Variants in CSF1 observed in about 807,000 individuals in gnomAD.
CSF1 encodes the protein macrophage colony-stimulating factor 1.
CSF1 carries 9 observed loss-of-function variants against 48.9 expected under a neutral mutation model. The ratio of observed to expected loss-of-function variants is 0.18; its 90% CI spans 0.11 to 0.32. CSF1 has a LOEUF of 0.32. Ranked by LOEUF, CSF1 falls within the 10% of genes least tolerant of loss-of-function variation. The probability of loss-of-function intolerance (pLI) is 1.00; values close to 1 mark genes in which losing one functional copy is unlikely to be tolerated. For missense variants in CSF1, 672 were observed against 697.9 expected (o/e 0.96, Z 0.42); for synonymous variants, 305 against 284.1 (o/e 1.07, Z -0.74).
At position 109,923,443 on chromosome 1, in the gene CSF1, C is replaced by T. The variant is rs1046476566; in HGVS notation, c.822C>T (p.Ile274=). The part of the protein sequence containing the change: ...PETPVVKDST[I]GGSPQPRPSV... ...CCCCAGTTGTCAAGGACAGCACCAT[C>T]GGTGGCTCACCACAGCCTCGCCCCT... Residue 274 remains isoleucine, a synonymous_variant, in exon 6 of 9, where the codon ATC becomes ATT. Transcript: ENST00000329608. The T allele has an allele frequency of 1.1e-5, 18 of 1,614,026 alleles. No homozygotes were observed. Among genetic ancestry groups the T allele is most frequent in the East Asian group, 2.2e-5 (1 of 44,884 alleles).
chr1:109,914,496 C>A, intron 2 of CSF1, 115 bp downstream of exon 2: 1 of 1,270,316 alleles, frequency 7.9e-7, no homozygotes, highest in Non-Finnish European at 1.0e-6. Flanking sequence ...CAGTGCGGGA[C>A]ATTGCTTGTG....
chr1:109,925,306 C>A, intron 8 of CSF1, 104 bp downstream of exon 8: 1 of 894,826 alleles, frequency 1.1e-6, no homozygotes, highest in Non-Finnish European at 1.8e-6. Flanking sequence ...CCCACACTGA[C>A]TCCCATGCCT....
chr1:109,924,867 C>G, intron 7 of CSF1, 39 bp downstream of exon 7: 1 of 1,585,916 alleles, frequency 6.3e-7, no homozygotes, highest in Non-Finnish European at 8.6e-7. Flanking sequence ...GCACTGGGGG[C>G]CTGGCTTGGG....
In CSF1 at chr1:109,923,660, T is replaced by C; in HGVS notation, c.1039T>C (p.Ser347Pro). 6.2e-7 allele frequency: 1 copy of C among 1,613,826 alleles called. No homozygotes were observed. Among genetic ancestry groups the C allele is most frequent in the Non-Finnish European group, 8.5e-7 (1 of 1,179,834 alleles). The change falls in exon 6 of 9, where the codon TCT (serine) becomes CCT (proline). Residue 347 changes from serine to proline, a missense_variant. Ser to Pro is a moderately conservative substitution (Grantham distance 74). Around this residue, in one of 3 missense-constraint regions of CSF1, gnomAD observed 591 missense variants for 593.6 expected, o/e 1.00. Coordinates refer to ENST00000329608, the MANE Select transcript of CSF1 (RefSeq NM_000757.6). ...PARPSNFLSA[S>P]SPLPASAKGQ... Reference sequence around the variant, plus strand: ...CAGACCCAGCAACTTCCTCTCAGCATCTTCTCCACTCCCTGCATCAGCAAA... The same window carrying C: ...CAGACCCAGCAACTTCCTCTCAGCACCTTCTCCACTCCCTGCATCAGCAAA...
chr1:109,926,854 T>G (rs139025935), intron 8 of CSF1: 24 of 152,364 alleles, frequency 1.6e-4, no homozygotes, highest in South Asian at 4.1e-4. Flanking sequence ...CCACTTTTTT[T>G]TGTGTTTCTT....
chr1:109,924,263 G>T (rs149758130), intron 6 of CSF1, 73 bp downstream of exon 6: 3 of 1,386,326 alleles, frequency 2.2e-6, no homozygotes, highest in South Asian at 1.4e-5. Flanking sequence ...GGTGCAGGTG[G>T]GGGGACAGCT....
chr1:109,920,677 C>T (rs1225213826), intron 4 of CSF1, among the ~76,000 whole-genome samples: 3 of 152,152 alleles, frequency 2.0e-5, no homozygotes, highest in Non-Finnish European at 4.4e-5. Context: ...GCGATGCCTT[C>T]AAGGACTTCA....
In CSF1 at chr1:109,923,953, G is replaced by A; in HGVS notation, c.1332G>A (p.Arg444=). Residue 444 remains arginine (R), a synonymous_variant, in exon 6 of 9, where the codon AGG becomes AGA. Coordinates refer to ENST00000329608, the MANE Select transcript of CSF1 (RefSeq NM_000757.6). The stretch of plus-strand genomic sequence containing the variant: ...CCCTTGGGGAGCTGGAGGGCAGGAG[G>A]AGCACCAGGGATCGGAGGAGCCCCG... ...VLPLGELEGR[R]STRDRRSPAE... 1 of 1,614,178 alleles carries A rather than the reference G, an allele frequency of 6.2e-7. No homozygotes were observed. Among genetic ancestry groups the A allele is most frequent in the Non-Finnish European group, 8.5e-7 (1 of 1,180,006 alleles).
At position 109,914,299 on chromosome 1, in the gene CSF1, C is replaced by A. The variant is rs202209718; in HGVS notation, c.80C>A (p.Ala27Glu). ...GSLLLLVCLL[A>E]SRSITEEVSE... ...CTGCTGTTGTTGGTCTGTCTCCTGG[C>A]GAGCAGGAGTATCACCGAGGAGGTG... Residue 27 changes from alanine to glutamate, a missense_variant, in exon 2 of 9, where the codon GCG becomes GAG. Around this residue, in one of 3 missense-constraint regions of CSF1, gnomAD observed 53 missense variants for 45.5 expected, o/e 1.17. Coordinates refer to ENST00000329608, the MANE Select transcript of CSF1 (RefSeq NM_000757.6). The A allele has an allele frequency of 3.7e-6, 6 of 1,607,432 alleles. No individual in the cohort carries two copies. The highest frequency in any genetic ancestry group is 2.7e-5 in the African/African-American group (2 of 74,826).
intron 1 of CSF1, among the ~76,000 whole-genome samples, chr1:109,913,457 C>T (rs1359367298): frequency 1.3e-5 from 2 of 152,178 alleles, no homozygotes; most frequent in Non-Finnish European, 1.5e-5. Context: ...AAAGACAGGG[C>T]ATCAGGAGCC....
chr1:109,915,582 C>T (rs989052536), intron 2 of CSF1, 52 bp from the exon 3 acceptor site: 4 of 1,493,570 alleles, frequency 2.7e-6, no homozygotes, highest in Non-Finnish European at 3.7e-6. Flanking sequence ...AGGCTGAAGG[C>T]TGAGTTGAGC....
intron 4 of CSF1, among the ~76,000 whole-genome samples, chr1:109,918,672 G>T (rs1312146474): frequency 1.3e-5 from 2 of 152,188 alleles, no homozygotes; most frequent in Non-Finnish European, 2.9e-5. Context: ...TTCCAATGAT[G>T]CTGAAACGGG....
Position 109,910,966 on chromosome 1 carries a change from G to T in CSF1, c.-58G>T. On this transcript the variant is annotated 5_prime_UTR_variant, in exon 1 of 9. Coordinates refer to ENST00000329608, the MANE Select transcript of CSF1 (RefSeq NM_000757.6). Reference sequence around the variant, plus strand: ...CGGGGCGCCCACTCCGCAGCAGCCAGCGAGCGAGCGAGCGAGCGAGGGCGG... The same window carrying T: ...CGGGGCGCCCACTCCGCAGCAGCCATCGAGCGAGCGAGCGAGCGAGGGCGG... 9.1e-7 allele frequency: 1 copy of T among 1,102,852 alleles called. No individual in the cohort carries two copies. The highest frequency in any genetic ancestry group is 1.1e-6 in the Non-Finnish European group (1 of 895,106). The allele number at this position is 1,102,852 out of a possible 1,614,324, so 68.3% of individuals were successfully genotyped here.
chr1:109,920,821 G>T (rs1219369635), intron 4 of CSF1, among the ~76,000 whole-genome samples: 1 of 152,190 alleles, frequency 6.6e-6, no homozygotes, highest in African/African-American at 2.4e-5. Context: ...GAAAGGAGAG[G>T]TGGGCCCGGG....
Position 109,914,270 on chromosome 1 carries a change from C to A in CSF1, c.51C>A (p.Gly17=). Reference sequence around the variant, plus strand: ...CCTCTCTGTCACAGACATGGCTGGGCTCCCTGCTGTTGTTGGTCTGTCTCC... The same window carrying A: ...CCTCTCTGTCACAGACATGGCTGGGATCCCTGCTGTTGTTGGTCTGTCTCC... ...AGRCPPTTWL[G]SLLLLVCLLA... is the part of the protein sequence containing the mutation. Residue 17 remains glycine, a synonymous_variant, in exon 2 of 9, where the codon GGC becomes GGA. Coordinates refer to ENST00000329608, the MANE Select transcript of CSF1 (RefSeq NM_000757.6). 6.2e-7 allele frequency: 1 copy of A among 1,605,086 alleles called. No homozygotes were observed. The highest frequency in any genetic ancestry group is 1.1e-5 in the South Asian group (1 of 88,618).
At chr1:109,927,169 A>T (rs1647878464) in intron 8 of CSF1, among the ~76,000 whole-genome samples, 1 of 152,248 alleles carries the variant, frequency 6.6e-6, no homozygotes, top group African/African-American at 2.4e-5. Context: ...TGGTTGGCTG[A>T]CTAGCTGGGG....
chr1:109,930,540 C>T lies in CSF1; in HGVS notation c.*1702C>T, dbSNP rs1411099413. ...GTGAGGGTCGGCTGGCCCCACCTTCCCTGTCCTGATGCCGACAGCTTAGGG... is the reference window on the plus strand; with the variant it reads ...GTGAGGGTCGGCTGGCCCCACCTTCTCTGTCCTGATGCCGACAGCTTAGGG... On this transcript the variant is annotated 3_prime_UTR_variant, in exon 9 of 9. Transcript: ENST00000329608. The T allele has an allele frequency of 6.6e-6, 1 of 152,276 alleles. No homozygotes were observed. Among genetic ancestry groups the T allele is most frequent in the African/African-American group, 2.4e-5 (1 of 41,468 alleles). 9.4% of individuals were successfully genotyped at this position (152,276 alleles called of 1,614,324 possible).
At chr1:109,914,229 T>C (rs758685697) in intron 1 of CSF1, 30 bp from the exon 2 acceptor site, 3 of 1,575,288 alleles carry the variant, frequency 1.9e-6, no homozygotes, top group Non-Finnish European at 2.6e-6. Flanking sequence ...GAGTGAGACC[T>C]GGGGAGAAAT....
At chr1:109,926,054 G>A (rs1246430007) in intron 8 of CSF1, 2 of 152,054 alleles carry the variant, frequency 1.3e-5, no homozygotes, top group African/African-American at 2.4e-5. Flanking sequence ...TATATGATAT[G>A]GTTTTCAGAC....
Sources: allele counts gnomAD v4.1 joint callset (sites outside exome capture counted in the v4.1 genomes callset), GRCh38; gene constraint gnomAD v4.1.1; regional missense constraint gnomAD v4.1.1; transcripts MANE v1.5; gene names NCBI Gene and HGNC (gene_info 2026-07-23, HGNC 2026-07-21).